Variants in LARS2 observed in about 807,000 individuals in gnomAD.
The protein encoded by LARS2 is leucyl-tRNA synthetase 2, mitochondrial.
A neutral mutation model predicts 116.6 loss-of-function variants in LARS2; 81 were observed. The ratio of observed to expected loss-of-function variants is 0.69; its 90% CI spans 0.58 to 0.84. The LOEUF (loss-of-function observed/expected upper bound fraction) is 0.84, where lower values mean the gene tolerates loss of function less well. LARS2 is among the 40% of genes least tolerant of loss of function. LARS2 has a pLI of 0.00. For missense variants in LARS2, 968 were observed against 1,114.5 expected, an observed-to-expected ratio of 0.87 and a Z score of 1.87; for synonymous variants, 396 against 407.2, an observed-to-expected ratio of 0.97 and a Z score of 0.33.
chr3:45,452,615 C>G (rs974282319), intron 7 of LARS2, among the ~76,000 whole-genome samples: 1 of 151,936 alleles, frequency 6.6e-6, no homozygotes, highest in South Asian at 2.1e-4. Context: ...ATTTTTGCAT[C>G]TCTGTTTATT....
At chr3:45,400,615 A>G (rs1698130449) in intron 4 of LARS2, among the ~76,000 whole-genome samples, 1 of 152,104 alleles carries the variant, frequency 6.6e-6, no homozygotes, top group South Asian at 2.1e-4. Flanking sequence ...TCAGATGGGA[A>G]TGGGGTGAAA....
intron 20 of LARS2, among the ~76,000 whole-genome samples, chr3:45,532,875 C>A (rs992989916): frequency 1.6e-4 from 24 of 152,088 alleles, no homozygotes; most frequent in Middle Eastern, 3.2e-3. Context: ...CTCCTGACTT[C>A]AGGTGGTCCG....
At chr3:45,439,651 T>C (rs1698873015) in intron 6 of LARS2, among the ~76,000 whole-genome samples, 2 of 151,782 alleles carry the variant, frequency 1.3e-5, no homozygotes, top group Non-Finnish European at 2.9e-5. Flanking sequence ...GTTTGTTTTG[T>C]GAAAACGGAG....
At chr3:45,451,732 T>C (rs1699131557) in intron 7 of LARS2, among the ~76,000 whole-genome samples, 1 of 152,148 alleles carries the variant, frequency 6.6e-6, no homozygotes, top group African/African-American at 2.4e-5. Context: ...TTTTTCTATT[T>C]CTGTAAATAA....
chr3:45,484,603 CAAAAAAAAA>C (rs1156814528), intron 10 of LARS2, among the ~76,000 whole-genome samples: 31 of 14,718 alleles, frequency 2.1e-3, no homozygotes, highest in South Asian at 0.019. Context: ...CCTGTCTCTA[CAAAAAAAAA>C]AAAAAAAAAA....
In LARS2 at chr3:45,539,330, C is replaced by A. The variant is rs556318814; in HGVS notation, c.2405-2499C>A. On this transcript the variant is annotated intron_variant, in intron 20 of 21. Transcript: ENST00000645846. ...CCTTGTAGAAAATCTGTAACATAGTCTTTAAAAAAGAAAGAGAAGGCTGGG... is the reference window on the plus strand; with the variant it reads ...CCTTGTAGAAAATCTGTAACATAGTATTTAAAAAAGAAAGAGAAGGCTGGG... 3.9e-5 allele frequency among the ~76,000 whole-genome samples: 6 copies of A among 152,168 alleles called. No homozygotes were observed. In the South Asian group the frequency reaches 1.0e-3, roughly 26 times the overall value.
chr3:45,473,115 G>C (rs1699553546), intron 8 of LARS2, among the ~76,000 whole-genome samples: 1 of 152,208 alleles, frequency 6.6e-6, no homozygotes, highest in Non-Finnish European at 1.5e-5. Flanking sequence ...GAGCCATAGA[G>C]ATCACAGGCC....
intron 6 of LARS2, among the ~76,000 whole-genome samples, chr3:45,445,072 A>G (rs1223338577): frequency 6.6e-6 from 1 of 152,216 alleles, no homozygotes; most frequent in Non-Finnish European, 1.5e-5. Context: ...CCTTACCCAC[A>G]TCCCCTATCC....
In LARS2 at chr3:45,548,693, G is replaced by A. The variant is rs1700908640; in HGVS notation, c.*1163G>A. 1 of 152,206 alleles carries A rather than the reference G, an allele frequency of 6.6e-6. No individual in the cohort carries two copies. Among genetic ancestry groups the A allele is most frequent in the Non-Finnish European group, 1.5e-5 (1 of 68,040 alleles). The allele number at this position is 152,206 out of a possible 1,614,324, so 9.4% of individuals were successfully genotyped here. ...TTAATATTTAATGAGGGAAGGTAGG[G>A]GAGAATCTAGCCATTTTATAATGCC... On this transcript the variant is annotated 3_prime_UTR_variant, in exon 22 of 22. Transcript: ENST00000645846.
chr3:45,497,692 A>G (rs1700037981), intron 14 of LARS2, among the ~76,000 whole-genome samples: 1 of 152,116 alleles, frequency 6.6e-6, no homozygotes, highest in African/African-American at 2.4e-5. Flanking sequence ...TGATCACCTG[A>G]GGTCAGGAGT....
chr3:45,482,430 A>G (rs748631885), intron 10 of LARS2, among the ~76,000 whole-genome samples: 5 of 151,014 alleles, frequency 3.3e-5, no homozygotes, highest in African/African-American at 7.4e-5. Flanking sequence ...TCTATTTTCT[A>G]TTTCTATTTC....
intron 12 of LARS2, among the ~76,000 whole-genome samples, chr3:45,489,309 T>C (rs1699871194): frequency 1.3e-5 from 2 of 152,182 alleles, no homozygotes; most frequent in Admixed American, 1.3e-4. Flanking sequence ...AGCCTCTATG[T>C]TGAACTAACC....
intron 18 of LARS2, 116 bp downstream of exon 18, chr3:45,518,188 T>G (rs1247638673): frequency 1.4e-6 from 1 of 709,214 alleles, no homozygotes; most frequent in East Asian, 2.7e-5. Flanking sequence ...GGGTCTTCCT[T>G]CCTGGCAATG....
intron 21 of LARS2, among the ~76,000 whole-genome samples, chr3:45,546,014 A>C (rs527969331): frequency 6.6e-6 from 1 of 151,522 alleles, no homozygotes; most frequent in East Asian, 1.9e-4. Context: ...GACCAGGCCT[A>C]AGAGTCAAAC....
chr3:45,427,996 T>C (rs1427237134), intron 6 of LARS2, among the ~76,000 whole-genome samples: 1 of 151,630 alleles, frequency 6.6e-6, no homozygotes, highest in African/African-American at 2.4e-5. Flanking sequence ...TAATTTTGTA[T>C]TTTTAGTACA....
At chr3:45,504,542 A>G (rs1700170679) in intron 15 of LARS2, among the ~76,000 whole-genome samples, 1 of 152,016 alleles carries the variant, frequency 6.6e-6, no homozygotes, top group Admixed American at 6.6e-5. Flanking sequence ...TCTGCATCAG[A>G]AGGACACTAA....
At chr3:45,412,976 A>C (rs1292121862) in intron 4 of LARS2, among the ~76,000 whole-genome samples, 1 of 152,242 alleles carries the variant, frequency 6.6e-6, no homozygotes, top group Non-Finnish European at 1.5e-5. Context: ...TGGCAAGAAC[A>C]GCCGGGCTGC....
chr3:45,500,400 G>T, intron 14 of LARS2, 42 bp from the exon 15 acceptor site: 3 of 1,589,966 alleles, frequency 1.9e-6, no homozygotes, highest in Non-Finnish European at 2.6e-6. Context: ...CACAATTGTG[G>T]CAAAGCAGGT....
At chr3:45,537,034 G>T (rs539729490) in intron 20 of LARS2, among the ~76,000 whole-genome samples, 1 of 151,864 alleles carries the variant, frequency 6.6e-6, no homozygotes, top group South Asian at 2.1e-4. Context: ...CTGTGTGTGT[G>T]TGTGTGTGTG....
Sources: gnomAD v4.1 joint callset for allele counts (sites outside exome capture counted in the v4.1 genomes callset) on GRCh38, gnomAD v4.1.1 for gene constraint, MANE v1.5 for transcripts, NCBI Gene and HGNC (gene_info 2026-07-23, HGNC 2026-07-21) for gene names.